SNX24: variants seen among roughly 807,000 people sequenced by gnomAD.
SNX24 encodes sorting nexin-24.
In SNX24, 22 loss-of-function variants were observed where a neutral mutation model predicts 28.7. That is an observed-to-expected ratio of 0.77 (90% CI 0.55 to 1.10). SNX24 has a LOEUF of 1.10. Ranked by LOEUF, SNX24 falls within the 50% of genes least tolerant of loss-of-function variation. SNX24 has a pLI of 0.00. For synonymous variants in SNX24, 69 were observed against 71.5 expected (o/e 0.96, Z 0.18); for missense variants, 221 against 201.1 (o/e 1.10, Z -0.60).
At chr5:123,029,110 G>A (rs771709244) in intron 5 of SNX24, 2 of 1,020,336 alleles carry the variant, frequency 2.0e-6, no homozygotes, top group Non-Finnish European at 1.4e-6. Context: ...TTCACTTGAT[G>A]ATGATTTTCT....
chr5:123,024,315 C>A (rs1317871274), intron 5 of SNX24, among the ~76,000 whole-genome samples: 1 of 152,158 alleles, frequency 6.6e-6, no homozygotes, highest in Non-Finnish European at 1.5e-5. Context: ...TTTGTAAACA[C>A]CCAGCTCTAG....
chr5:122,981,205 ATATATT>A (rs1761379959), intron 3 of SNX24, among the ~76,000 whole-genome samples: 1 of 152,198 alleles, frequency 6.6e-6, no homozygotes, highest in Non-Finnish European at 1.5e-5. Context: ...ATAAAATTAG[ATATATT>A]TAAAGTGGTA....
At chr5:122,876,374 G>A (rs1403371868) in intron 1 of SNX24, among the ~76,000 whole-genome samples, 1 of 152,172 alleles carries the variant, frequency 6.6e-6, no homozygotes, top group Non-Finnish European at 1.5e-5. Context: ...ATTTTGAACT[G>A]ATTAATTGCT....
intron 5 of SNX24, among the ~76,000 whole-genome samples, chr5:123,014,840 C>T (rs1343173219): frequency 1.3e-5 from 2 of 152,220 alleles, no homozygotes; most frequent in Non-Finnish European, 2.9e-5. Flanking sequence ...GTTCCTAGAA[C>T]ATGCCAACCT....
intron 1 of SNX24, among the ~76,000 whole-genome samples, chr5:122,897,622 CAAA>C (rs747778433): frequency 6.6e-6 from 1 of 151,198 alleles, no homozygotes; most frequent in African/African-American, 2.4e-5. Context: ...ATTGTAAAAA[CAAA>C]AAAAAATTAA....
At chr5:122,979,817 A>G (rs1163211261) in intron 3 of SNX24, among the ~76,000 whole-genome samples, 1 of 152,222 alleles carries the variant, frequency 6.6e-6, no homozygotes, top group Non-Finnish European at 1.5e-5. Flanking sequence ...AGTTGTGCTG[A>G]CAGCCCACCT....
At chr5:122,882,461 T>C (rs1756524226) in intron 1 of SNX24, among the ~76,000 whole-genome samples, 1 of 152,238 alleles carries the variant, frequency 6.6e-6, no homozygotes, top group Non-Finnish European at 1.5e-5. Flanking sequence ...TTGGACTTGG[T>C]CGCATCTCAG....
intron 3 of SNX24, among the ~76,000 whole-genome samples, chr5:122,986,326 C>T (rs1170174409): frequency 6.6e-6 from 1 of 152,182 alleles, no homozygotes; most frequent in African/African-American, 2.4e-5. Flanking sequence ...TTCACCTCAT[C>T]AGCCTTAAGG....
intron 1 of SNX24, among the ~76,000 whole-genome samples, chr5:122,916,653 C>T (rs532209922): frequency 3.0e-4 from 45 of 152,176 alleles, no homozygotes; most frequent in Middle Eastern, 3.4e-3. Flanking sequence ...CTGATGACAC[C>T]CCTGCCCTTA....
chr5:122,954,321 A>T (rs747730689), intron 3 of SNX24, among the ~76,000 whole-genome samples: 1 of 152,050 alleles, frequency 6.6e-6, no homozygotes, highest in Non-Finnish European at 1.5e-5. Context: ...TATGAAGTAC[A>T]TGAAAGCATT....
intron 3 of SNX24, among the ~76,000 whole-genome samples, chr5:122,988,210 A>G (rs1284496504): frequency 1.3e-5 from 2 of 151,956 alleles, no homozygotes; most frequent in African/African-American, 4.8e-5. Flanking sequence ...TTTTAGGAGT[A>G]CCTTTGTGTC....
intron 1 of SNX24, among the ~76,000 whole-genome samples, chr5:122,900,413 T>C (rs745487378): frequency 2.0e-5 from 3 of 152,166 alleles, no homozygotes; most frequent in Non-Finnish European, 2.9e-5. Context: ...GGTCTGTGCA[T>C]TGGAAATTAA....
At chr5:122,872,104 C>T (rs1482232501) in intron 1 of SNX24, among the ~76,000 whole-genome samples, 2 of 149,126 alleles carry the variant, frequency 1.3e-5, no homozygotes, top group African/African-American at 2.5e-5. Flanking sequence ...TATATTTTAC[C>T]TTCCTTTCAT....
At chr5:122,926,283 G>C (rs1170553840) in intron 1 of SNX24, among the ~76,000 whole-genome samples, 1 of 152,286 alleles carries the variant, frequency 6.6e-6, no homozygotes, top group African/African-American at 2.4e-5. Flanking sequence ...AGCTGGTGTG[G>C]CTGGACCAGG....
downstream of SNX24, among the ~76,000 whole-genome samples, chr5:123,013,613 A>G (rs1010030561): frequency 6.6e-6 from 1 of 152,198 alleles, no homozygotes; most frequent in Non-Finnish European, 1.5e-5. Flanking sequence ...ATGTTAAGTC[A>G]TTGGAATACA....
intron 2 of SNX24, among the ~76,000 whole-genome samples, chr5:122,944,543 C>A (rs1759598036): frequency 6.6e-6 from 1 of 152,106 alleles, no homozygotes. Flanking sequence ...GACTCTAAAA[C>A]CAAAATAATG....
intron 5 of SNX24, among the ~76,000 whole-genome samples, chr5:123,019,736 C>T (rs961455560): frequency 2.0e-5 from 3 of 152,214 alleles, no homozygotes; most frequent in African/African-American, 7.2e-5. Flanking sequence ...CCCTCTGATT[C>T]CACATCCGCC....
At chr5:122,972,320 T>G (rs1053022272) in intron 3 of SNX24, among the ~76,000 whole-genome samples, 2 of 152,084 alleles carry the variant, frequency 1.3e-5, no homozygotes, top group African/African-American at 4.8e-5. Flanking sequence ...CTAGGGGTGA[T>G]GGTAAATGAT....
At chr5:123,026,753 G>A (rs1762861454) in intron 5 of SNX24, among the ~76,000 whole-genome samples, 1 of 152,166 alleles carries the variant, frequency 6.6e-6, no homozygotes, top group South Asian at 2.1e-4. Context: ...CTAGCAAAGC[G>A]GCAGGCAGAG....
Sources: allele counts gnomAD v4.1 joint callset (sites outside exome capture counted in the v4.1 genomes callset), GRCh38; gene constraint gnomAD v4.1.1; transcripts MANE v1.5; gene names NCBI Gene and HGNC (gene_info 2026-07-23, HGNC 2026-07-21).